COL11A1: variants seen among roughly 807,000 people sequenced by gnomAD.
COL11A1 encodes collagen alpha-1(XI) chain.
A neutral mutation model predicts 265.2 loss-of-function variants in COL11A1; 74 were observed. The observed-to-expected ratio is 0.28, with a 90% CI of 0.23 to 0.34. The LOEUF is 0.34. COL11A1 is among the 10% of genes least tolerant of loss of function. The pLI, the probability that COL11A1 is intolerant of heterozygous loss-of-function variation, is 1.00. For missense variants in COL11A1, 2,165 were observed against 2,263.6 expected, an observed-to-expected ratio of 0.96 and a Z score of 0.88; for synonymous variants, 816 against 727.6, an observed-to-expected ratio of 1.12 and a Z score of -1.96.
chr1:102,991,920 G>C (rs1298927648), intron 28 of COL11A1, among the ~76,000 whole-genome samples: 1 of 151,184 alleles, frequency 6.6e-6, no homozygotes, highest in Non-Finnish European at 1.5e-5. Flanking sequence ...ATTGGGCAAT[G>C]GCAGAGGCTT....
intron 31 of COL11A1, among the ~76,000 whole-genome samples, chr1:102,981,060 G>A (rs960780664): frequency 1.3e-5 from 2 of 152,098 alleles, no homozygotes; most frequent in African/African-American, 4.8e-5. Flanking sequence ...ATTAAAGCAG[G>A]TCAATAAAAT....
At chr1:102,926,172 C>A (rs1159735799) in intron 46 of COL11A1, among the ~76,000 whole-genome samples, 1 of 152,048 alleles carries the variant, frequency 6.6e-6, no homozygotes, top group Admixed American at 6.5e-5. Flanking sequence ...GAGTCAAAAT[C>A]TCTTGTTGCA....
chr1:103,039,489 G>A (rs1668639428), intron 4 of COL11A1, among the ~76,000 whole-genome samples: 1 of 151,902 alleles, frequency 6.6e-6, no homozygotes, highest in African/African-American at 2.4e-5. Flanking sequence ...GAATCTGACT[G>A]GTCTCCTTTA....
intron 1 of COL11A1, among the ~76,000 whole-genome samples, chr1:103,083,234 G>C (rs1672564510): frequency 1.0e-5 from 1 of 95,612 alleles, no homozygotes; most frequent in South Asian, 4.2e-4. Flanking sequence ...CTGTGTGTGT[G>C]TGTGTGTCTG....
At chr1:103,048,046 A>T (rs896548651) in intron 4 of COL11A1, among the ~76,000 whole-genome samples, 1 of 152,094 alleles carries the variant, frequency 6.6e-6, no homozygotes, top group Non-Finnish European at 1.5e-5. Context: ...TTCATCAAGG[A>T]TATTGGTCTA....
chr1:102,987,877 C>T (rs1003226793), intron 29 of COL11A1, 137 bp from the exon 30 acceptor site: 11 of 702,710 alleles, frequency 1.6e-5, no homozygotes, highest in African/African-American at 5.2e-5. Context: ...TGCCCTTGAT[C>T]GTTCCTGGGC....
intron 38 of COL11A1, 106 bp downstream of exon 38, chr1:102,965,381 C>G: frequency 1.8e-6 from 2 of 1,102,888 alleles, no homozygotes; most frequent in Non-Finnish European, 2.7e-6. Flanking sequence ...ATAAAAAATA[C>G]ATCATTTTGA....
chr1:103,107,360 G>C (rs1163960248), intron 1 of COL11A1, among the ~76,000 whole-genome samples: 4 of 146,904 alleles, frequency 2.7e-5, no homozygotes, highest in African/African-American at 1.0e-4. Context: ...AGAACTGCAC[G>C]TCCAACCTGC....
rs140230238 is a variant in COL11A1 at position 102,961,893 on chromosome 1, T to A, written c.3141A>T (p.Glu1047Asp). ...AQGAPGLKGGEGPQGPPGPVG... is the reference protein window; with the variant it reads ...AQGAPGLKGGDGPQGPPGPVG... ...CTGGACCTGGTGGGCCCTGGGGACC[T>A]TCCCCTCCTTTCAGTCCAGGTGCAC... Residue 1047 changes from glutamate to aspartate, a missense_variant, in exon 41 of 67, where the codon GAA becomes GAT. By Grantham distance (45) the Glu-to-Asp change is conservative (BLOSUM62 2). Coordinates refer to ENST00000370096, the MANE Select transcript of COL11A1 (RefSeq NM_001854.4). 1 of 1,613,268 alleles carries A rather than the reference T, an allele frequency of 6.2e-7. No individual in the cohort carries two copies. The highest frequency in any genetic ancestry group is 8.5e-7 in the Non-Finnish European group (1 of 1,179,608).
At chr1:103,082,739 T>A in intron 2 of COL11A1, 66 bp downstream of exon 2, 1 of 1,356,398 alleles carries the variant, frequency 7.4e-7, no homozygotes, top group Non-Finnish European at 1.0e-6. Context: ...AAAAGTAGTT[T>A]TAGTAGTAAC....
Position 103,018,836 on chromosome 1 carries a change from T to C in COL11A1, c.1332A>G (p.Pro444=). Residue 444 remains proline (P), a synonymous_variant, in exon 10 of 67, where the codon CCA becomes CCG. Coordinates refer to ENST00000370096, the MANE Select transcript of COL11A1 (RefSeq NM_001854.4). ...VEPGMLVEGP[P]GPAGPAGIMG... is the part of the protein sequence containing the mutation. ...TACATACTGCAGGTCCTGCTGGTCC[T>C]GGTGGTCCTTCGACAAGCATACCCT... 1 of 1,612,844 alleles carries C rather than the reference T, an allele frequency of 6.2e-7. No homozygotes were observed. Among genetic ancestry groups the C allele is most frequent in the African/African-American group, 1.3e-5 (1 of 75,010 alleles).
intron 14 of COL11A1, 117 bp from the exon 15 acceptor site, chr1:103,008,633 C>T: frequency 1.1e-6 from 1 of 915,512 alleles, no homozygotes; most frequent in Non-Finnish European, 1.8e-6. Context: ...ATCATATTAG[C>T]ATTAACTTAT....
intron 37 of COL11A1, among the ~76,000 whole-genome samples, chr1:102,967,938 C>T (rs1209978332): frequency 6.6e-6 from 1 of 152,196 alleles, no homozygotes. Flanking sequence ...TGCACTCATA[C>T]ATCCTAAGGG....
intron 28 of COL11A1, 54 bp from the exon 29 acceptor site, chr1:102,989,625 C>T (rs1248018295): frequency 6.5e-6 from 8 of 1,228,514 alleles, no homozygotes; most frequent in African/African-American, 1.5e-5. Flanking sequence ...TTTGGAGTAA[C>T]CTAAAATATT....
chr1:103,011,328 A>G (rs1192302073), intron 14 of COL11A1, among the ~76,000 whole-genome samples: 1 of 152,162 alleles, frequency 6.6e-6, no homozygotes, highest in African/African-American at 2.4e-5. Context: ...GGAAAGGCAA[A>G]GCATGATAAA....
rs778379327 is a variant in COL11A1, at chr1:102,979,384, G to A, written c.2608C>T (p.Arg870Trp). 37 of 1,606,076 alleles carry A rather than the reference G, an allele frequency of 2.3e-5. No homozygotes were observed. Among genetic ancestry groups the A allele is most frequent in the Non-Finnish European group, 2.8e-5 (33 of 1,173,116 alleles). ...FPGANGEKGA[R>W]GVAGKPGPRG... The stretch of plus-strand genomic sequence containing the variant: ...CAAAACATATTTATATATCATACCC[G>A]TGCACCTTTCTCTCCATTGGCACCT... The change falls in exon 32 of 67, where the codon CGG (arginine) becomes TGG (tryptophan). Residue 870 changes from arginine (R) to tryptophan (W), a missense_variant and splice_region_variant. Physicochemically the swap from Arg to Trp is moderately radical, Grantham distance 101. Transcript: ENST00000370096.
intron 21 of COL11A1, 146 bp downstream of exon 21, chr1:103,003,069 G>A (rs1262643057): frequency 2.3e-5 from 19 of 835,148 alleles, no homozygotes; most frequent in Non-Finnish European, 3.6e-5. Context: ...AGGGAATGAT[G>A]AGTTAAAGTG....
intron 3 of COL11A1, among the ~76,000 whole-genome samples, chr1:103,077,864 C>A (rs1672098066): frequency 6.6e-6 from 1 of 152,150 alleles, no homozygotes; most frequent in Middle Eastern, 3.4e-3. Flanking sequence ...CGAACTTAGG[C>A]AAATTACTTA....
intron 4 of COL11A1, among the ~76,000 whole-genome samples, chr1:103,036,235 T>C (rs1381362056): frequency 3.3e-5 from 5 of 150,116 alleles, no homozygotes; most frequent in East Asian, 3.9e-4. Flanking sequence ...TTTCCAGGGA[T>C]AGAAATTCTA....
Sources: gnomAD v4.1 joint callset for allele counts (sites outside exome capture counted in the v4.1 genomes callset) on GRCh38, gnomAD v4.1.1 for gene constraint, MANE v1.5 for transcripts, NCBI Gene and HGNC (gene_info 2026-07-23, HGNC 2026-07-21) for gene names.